DMD: variants seen among roughly 807,000 people sequenced by gnomAD.
DMD encodes mutant dystrophin.
DMD carries 63 observed loss-of-function variants against 330.1 expected under a neutral mutation model. That is an observed-to-expected ratio of 0.19 (90% CI 0.16 to 0.24). DMD has a LOEUF of 0.24. Ranked by LOEUF, DMD falls within the 10% of genes least tolerant of loss-of-function variation. The pLI is 1.00. For synonymous variants in DMD, 1,223 were observed against 959.8 expected (o/e 1.27, Z -5.07); for missense variants, 3,344 against 2,684.1 (o/e 1.25, Z -5.43).
chrX:32,241,451 G>A (rs1241986382), intron 43 of DMD, among the ~76,000 whole-genome samples: 2 of 112,480 alleles, frequency 1.8e-5, no homozygotes, highest in African/African-American at 3.2e-5. Context: ...GCCTGAAGAA[G>A]CACTTTTTCC....
At chrX:32,553,203 T>A (rs750252331) in intron 16 of DMD, among the ~76,000 whole-genome samples, 1 of 112,158 alleles carries the variant, frequency 8.9e-6, no homozygotes, top group African/African-American at 3.2e-5. Flanking sequence ...AAGGAAAATG[T>A]GGTACATATA....
At chrX:31,906,091 C>T (rs187004050) in intron 47 of DMD, among the ~76,000 whole-genome samples, 4 of 111,320 alleles carry the variant, frequency 3.6e-5, no homozygotes, top group African/African-American at 1.3e-4. Flanking sequence ...GGCGGTTACC[C>T]TCATGCTGTT....
chrX:32,551,819 T>C (rs902413678), intron 16 of DMD, among the ~76,000 whole-genome samples: 1 of 111,514 alleles, frequency 9.0e-6, no homozygotes. Flanking sequence ...ATCACTAGTG[T>C]TCCTACACAC....
intron 16 of DMD, among the ~76,000 whole-genome samples, chrX:32,559,375 T>C (rs1410462127): frequency 8.9e-6 from 1 of 112,251 alleles, no homozygotes; most frequent in Non-Finnish European, 1.9e-5. Context: ...AAGGTATTTT[T>C]ATTTTAATTC....
chrX:31,503,305 G>C (rs1313071007), intron 56 of DMD, among the ~76,000 whole-genome samples: 1 of 112,211 alleles, frequency 8.9e-6, no homozygotes, highest in African/African-American at 3.2e-5. Context: ...GATTGCAAGA[G>C]AACTGGAAGA....
intron 55 of DMD, among the ~76,000 whole-genome samples, chrX:31,580,211 C>T (rs1057122935): frequency 6.2e-5 from 7 of 112,198 alleles, no homozygotes; most frequent in African/African-American, 2.3e-4. Flanking sequence ...TTAACATCTT[C>T]GAGGGGCCCA....
chrX:31,222,960 CCTCT>C (rs2046249492), intron 64 of DMD, 83 bp downstream of exon 64: 7 of 801,597 alleles, frequency 8.7e-6, no homozygotes, highest in South Asian at 2.1e-5. Flanking sequence ...CTGTTTCTCC[CCTCT>C]CTAAGTAAAA....
rs764865464 is a variant in DMD, at chrX:32,972,975, C to G, written c.93+47164G>C. Reference sequence around the variant, plus strand: ...GCCATGGAAGACCAGAGTTCACCACCTTTGTGGAGATTTGATAGGATTTTC... The same window carrying G: ...GCCATGGAAGACCAGAGTTCACCACGTTTGTGGAGATTTGATAGGATTTTC... On this transcript the variant is annotated intron_variant, in intron 2 of 78. Transcript: ENST00000357033. 1.1e-4 allele frequency among the ~76,000 whole-genome samples: 12 copies of G among 111,637 alleles called. No individual in the cohort carries two copies. In the East Asian group the frequency reaches 3.4e-3, roughly 31 times the overall value.
At chrX:32,599,692 T>A (rs114185060) in intron 12 of DMD, among the ~76,000 whole-genome samples, 6,149 of 111,596 alleles carry the variant, frequency 0.055, 175 homozygotes, top group African/African-American at 0.094. Flanking sequence ...TGTTAAAATG[T>A]TTTCCTTTAT....
At chrX:31,434,417 C>T (rs1282309299) in intron 60 of DMD, among the ~76,000 whole-genome samples, 35 of 70,890 alleles carry the variant, frequency 4.9e-4, no homozygotes, top group Admixed American at 3.3e-4. Flanking sequence ...GCAGCGCGCG[C>T]GCACACACAC....
intron 59 of DMD, among the ~76,000 whole-genome samples, chrX:31,451,267 CTTCCTTTCTTTCCT>C (rs2065718802): frequency 1.3e-5 from 1 of 76,974 alleles, no homozygotes; most frequent in South Asian, 7.5e-4. Context: ...CCTTCCTTTC[CTTCCTTTCTTTCCT>C]TTTTTTTTTT....
intron 67 of DMD, among the ~76,000 whole-genome samples, chrX:31,199,194 A>G (rs1057131376): frequency 1.2e-4 from 13 of 111,912 alleles, no homozygotes; most frequent in African/African-American, 3.9e-4. Context: ...AAATCAATCT[A>G]ATCTCTCAAC....
chrX:32,554,872 AG>A (rs2050040777), intron 16 of DMD, among the ~76,000 whole-genome samples: 20 of 42,253 alleles, frequency 4.7e-4, no homozygotes, highest in Admixed American at 8.1e-4. Flanking sequence ...GAGAGAGAGA[AG>A]GAAAGAAGAA....
chrX:33,184,621 G>C (rs183123598), intron 1 of DMD, among the ~76,000 whole-genome samples: 1 of 109,086 alleles, frequency 9.2e-6, no homozygotes, highest in East Asian at 2.8e-4. Context: ...AATAATAGTG[G>C]AATAAAATTG....
chrX:32,205,140 G>A (rs2097061989), intron 44 of DMD, among the ~76,000 whole-genome samples: 1 of 98,400 alleles, frequency 1.0e-5, no homozygotes, highest in Admixed American at 1.2e-4. Context: ...AAAATCAAAG[G>A]CCGGTGTTGA....
At chrX:32,295,709 A>G (rs2097492602) in intron 42 of DMD, among the ~76,000 whole-genome samples, 1 of 112,017 alleles carries the variant, frequency 8.9e-6, no homozygotes, top group Non-Finnish European at 1.9e-5. Flanking sequence ...CAAGGGACCT[A>G]TTTGCCAACT....
At chrX:33,079,796 C>A (rs1433058288) in intron 1 of DMD, among the ~76,000 whole-genome samples, 1 of 111,540 alleles carries the variant, frequency 9.0e-6, no homozygotes. Context: ...ACGATAACTC[C>A]AAAATCTTAA....
intron 43 of DMD, among the ~76,000 whole-genome samples, chrX:32,283,278 T>A (rs2097427287): frequency 8.9e-6 from 1 of 111,972 alleles, no homozygotes; most frequent in Non-Finnish European, 1.9e-5. Context: ...GCCTGTTGTT[T>A]TCAGTCAGCA....
chrX:32,002,506 C>T (rs2095634000), intron 44 of DMD, among the ~76,000 whole-genome samples: 1 of 111,884 alleles, frequency 8.9e-6, no homozygotes, highest in Non-Finnish European at 1.9e-5. Context: ...GTTTCTCAAT[C>T]TCAAAATTGA....
Sources: gnomAD v4.1 joint callset for allele counts (sites outside exome capture counted in the v4.1 genomes callset) on GRCh38, gnomAD v4.1.1 for gene constraint, MANE v1.5 for transcripts, NCBI Gene and HGNC (gene_info 2026-07-23, HGNC 2026-07-21) for gene names.